Variants in PDE10A observed in about 807,000 individuals in gnomAD.
The protein encoded by PDE10A is phosphodiesterase 10A, also known as cAMP and cAMP-inhibited cGMP 3',5'-cyclic phosphodiesterase 10A.
PDE10A carries 39 observed loss-of-function variants against 97.7 expected under a neutral mutation model. The observed-to-expected ratio is 0.40, with a 90% CI of 0.31 to 0.52. PDE10A has a LOEUF of 0.52. PDE10A is among the 20% of genes least tolerant of loss of function. PDE10A has a pLI of 0.56. For missense variants in PDE10A, 731 were observed against 1,047.8 expected, an observed-to-expected ratio of 0.70 and a Z score of 4.17; for synonymous variants, 371 against 376.8, an observed-to-expected ratio of 0.98 and a Z score of 0.18.
rs73037877 is a variant in PDE10A, at chr6:165,506,251, C to T, written c.995-23908G>A. On this transcript the variant is annotated intron_variant, in intron 2 of 21. Transcript: ENST00000539869. ...GTTCCAAATCAATTTTTTGAATACA[C>T]GTATAACATTTCATACAATAAATAT... is the stretch of plus-strand genomic sequence containing the variant. Among the ~76,000 whole-genome samples the T allele has an allele frequency of 3.9e-5, 6 of 152,130 alleles. No individual in the cohort carries two copies. In the South Asian group the frequency reaches 1.0e-3, roughly 26 times the overall value.
chr6:165,393,231 T>C (rs2128216199), intron 15 of PDE10A, among the ~76,000 whole-genome samples: 1 of 152,298 alleles, frequency 6.6e-6, no homozygotes, highest in South Asian at 2.1e-4. Flanking sequence ...TGCAAATATG[T>C]ATATCATGAG....
intron 1 of PDE10A, among the ~76,000 whole-genome samples, chr6:165,858,567 C>A (rs150000526): frequency 2.6e-5 from 4 of 152,198 alleles, no homozygotes; most frequent in Non-Finnish European, 5.9e-5. Context: ...GGATTGCCCC[C>A]GAGGTCCACA....
At chr6:165,858,020 A>C (rs1455872229) in intron 1 of PDE10A, among the ~76,000 whole-genome samples, 1 of 152,180 alleles carries the variant, frequency 6.6e-6, no homozygotes, top group Non-Finnish European at 1.5e-5. Flanking sequence ...AGGGATGGAG[A>C]TAGAACATAG....
intron 1 of PDE10A, among the ~76,000 whole-genome samples, chr6:165,833,388 C>T (rs1285385854): frequency 6.6e-6 from 1 of 152,138 alleles, no homozygotes; most frequent in Non-Finnish European, 1.5e-5. Flanking sequence ...GAAGGCTAAT[C>T]TCATACCCTG....
chr6:165,727,575 T>C (rs4072991), intron 1 of PDE10A, among the ~76,000 whole-genome samples: 76,998 of 151,606 alleles, frequency 0.51, 19,601 homozygotes, highest in African/African-American at 0.54. Flanking sequence ...GTGCACCAGC[T>C]CACCAGTTCC....
intron 1 of PDE10A, among the ~76,000 whole-genome samples, chr6:165,643,280 C>T (rs1789232259): frequency 6.6e-6 from 1 of 151,552 alleles, no homozygotes; most frequent in East Asian, 1.9e-4. Context: ...GACGAGCAGA[C>T]AGACAGATGA....
chr6:165,916,811 A>G (rs1447420463), intron 1 of PDE10A, among the ~76,000 whole-genome samples: 1 of 152,164 alleles, frequency 6.6e-6, no homozygotes, highest in Non-Finnish European at 1.5e-5. Flanking sequence ...TCTGTGGGAT[A>G]AGGGCCACCC....
chr6:165,755,142 G>T (rs967203161), intron 1 of PDE10A, among the ~76,000 whole-genome samples: 4 of 152,130 alleles, frequency 2.6e-5, no homozygotes, highest in Non-Finnish European at 5.9e-5. Context: ...TAGAAAACAG[G>T]GTGGAATTGG....
chr6:165,934,078 G>C (rs1783241763), intron 1 of PDE10A, among the ~76,000 whole-genome samples: 1 of 151,024 alleles, frequency 6.6e-6, no homozygotes, highest in African/African-American at 2.4e-5. Flanking sequence ...CCGCTTCCCA[G>C]GTTCAAGCAA....
chr6:165,420,269 A>G (rs1788602569), intron 10 of PDE10A, among the ~76,000 whole-genome samples: 1 of 152,184 alleles, frequency 6.6e-6, no homozygotes. Flanking sequence ...TATGGCTGCT[A>G]CAACAGCAGA....
chr6:165,435,080 C>T (rs1055499583), intron 6 of PDE10A, among the ~76,000 whole-genome samples, 157 bp downstream of exon 6: 4 of 152,104 alleles, frequency 2.6e-5, no homozygotes, highest in African/African-American at 9.7e-5. Context: ...TTTCTGAGTA[C>T]AAAAAATTAA....
intron 1 of PDE10A, among the ~76,000 whole-genome samples, chr6:165,967,433 G>A (rs1263105011): frequency 6.6e-6 from 1 of 152,176 alleles, no homozygotes; most frequent in Non-Finnish European, 1.5e-5. Context: ...GGAGGCAAAG[G>A]TTGCAGTGAG....
chr6:165,964,173 C>A (rs1239706569), intron 1 of PDE10A, among the ~76,000 whole-genome samples: 1 of 152,178 alleles, frequency 6.6e-6, no homozygotes, highest in Non-Finnish European at 1.5e-5. Context: ...CTGAAGGCAA[C>A]AAGGAGCAAC....
intron 3 of PDE10A, among the ~76,000 whole-genome samples, chr6:165,466,630 T>A (rs1174679848): frequency 6.6e-6 from 1 of 152,234 alleles, no homozygotes; most frequent in Admixed American, 6.5e-5. Flanking sequence ...ATTTCAAAAC[T>A]TTTTCATTAT....
At chr6:165,582,781 A>G (rs1452702758) in intron 1 of PDE10A, among the ~76,000 whole-genome samples, 1 of 152,098 alleles carries the variant, frequency 6.6e-6, no homozygotes, top group Admixed American at 6.6e-5. Context: ...TATCTCTTGA[A>G]GTTCTTTACT....
intron 1 of PDE10A, among the ~76,000 whole-genome samples, chr6:165,886,275 T>TG (rs916163845): frequency 1.5e-4 from 22 of 148,618 alleles, no homozygotes; most frequent in Non-Finnish European, 3.0e-5. Flanking sequence ...CCTGGACCCC[T>TG]GGGCCCTGGA....
At chr6:165,575,717 T>C (rs1403374965) in intron 1 of PDE10A, among the ~76,000 whole-genome samples, 1 of 152,230 alleles carries the variant, frequency 6.6e-6, no homozygotes, top group Admixed American at 6.5e-5. Context: ...GTGCTTATTT[T>C]AATGTCCTTA....
chr6:165,630,022 G>A (rs941237383), intron 1 of PDE10A, among the ~76,000 whole-genome samples: 1 of 151,926 alleles, frequency 6.6e-6, no homozygotes, highest in Non-Finnish European at 1.5e-5. Flanking sequence ...AAACACCATT[G>A]TCAACAGAAA....
chr6:165,508,827 T>C (rs1211041455), intron 2 of PDE10A, among the ~76,000 whole-genome samples: 1 of 152,008 alleles, frequency 6.6e-6, no homozygotes. Flanking sequence ...GTATACAAAA[T>C]TCAGTGTTAG....
Sources: allele counts gnomAD v4.1 joint callset (sites outside exome capture counted in the v4.1 genomes callset), GRCh38; gene constraint gnomAD v4.1.1; transcripts MANE v1.5; gene names NCBI Gene and HGNC (gene_info 2026-07-23, HGNC 2026-07-21).